GUCY2F: variants seen among roughly 807,000 people sequenced by gnomAD.
GUCY2F encodes the protein guanylate cyclase 2F, retinal, also known as retinal guanylyl cyclase 2.
In GUCY2F, 61 loss-of-function variants were observed where a neutral mutation model predicts 73.1. The observed-to-expected ratio is 0.83, with a 90% CI of 0.68 to 1.03. GUCY2F has a LOEUF of 1.03. Ranked by LOEUF, GUCY2F falls within the 50% of genes least tolerant of loss-of-function variation. The pLI, the probability that GUCY2F is intolerant of heterozygous loss-of-function variation, is 0.00. For missense variants in GUCY2F, 912 were observed against 854.3 expected (o/e 1.07, Z -0.84); for synonymous variants, 331 against 307.8 (o/e 1.08, Z -0.79).
At chrX:109,383,814 T>A (rs1930374780) in intron 16 of GUCY2F, among the ~76,000 whole-genome samples, 1 of 112,206 alleles carries the variant, frequency 8.9e-6, no homozygotes, top group African/African-American at 3.2e-5. Context: ...ATTTCCAATG[T>A]GAAATGTGTG....
At chrX:109,462,871 C>T (rs1932389485) in intron 3 of GUCY2F, among the ~76,000 whole-genome samples, 2 of 111,845 alleles carry the variant, frequency 1.8e-5, no homozygotes, top group South Asian at 7.4e-4. Context: ...CATCAAACAA[C>T]TGGTTTGACC....
chrX:109,404,469 G>T lies in GUCY2F; in HGVS notation c.1984C>A (p.His662Asn). 5 of 1,191,027 alleles carry T rather than the reference G, an allele frequency of 4.2e-6. No individual in the cohort carries two copies. The highest frequency in any genetic ancestry group is 5.7e-6 in the Non-Finnish European group (5 of 878,600). Reference protein sequence around the residue: ...LDLIKGMKYLHHREFVHGRLK... With the variant: ...LDLIKGMKYLNHREFVHGRLK... ...CTCCCATGAACAAACTCTCTGTGGT[G>T]TAAGTACTTCATGCCCTGTAGATGA... is the stretch of plus-strand genomic sequence containing the variant. The change falls in exon 10 of 20, where the codon CAC (histidine) becomes AAC (asparagine). Residue 662 changes from histidine to asparagine, a missense_variant. Transcript: ENST00000218006.
intron 12 of GUCY2F, among the ~76,000 whole-genome samples, chrX:109,394,323 A>G (rs1384775377): frequency 8.9e-6 from 1 of 111,995 alleles, no homozygotes; most frequent in Non-Finnish European, 1.9e-5. Context: ...GCCTCATGGT[A>G]AGGTTTTAGA....
At chrX:109,448,464 C>T (rs925731885) in intron 5 of GUCY2F, among the ~76,000 whole-genome samples, 10 of 112,088 alleles carry the variant, frequency 8.9e-5, no homozygotes, top group South Asian at 7.4e-4. Flanking sequence ...AAATGGTGAT[C>T]CCACATCAAG....
chrX:109,414,223 C>T (rs1179229894), intron 8 of GUCY2F, among the ~76,000 whole-genome samples: 4 of 111,901 alleles, frequency 3.6e-5, no homozygotes, highest in East Asian at 2.8e-4. Flanking sequence ...CCGCCCACCT[C>T]GGCCTCCCAA....
chrX:109,373,151 A>C (rs1031831937), intron 19 of GUCY2F, among the ~76,000 whole-genome samples, 152 bp from the exon 20 acceptor site: 2 of 112,912 alleles, frequency 1.8e-5, no homozygotes, highest in Non-Finnish European at 3.7e-5. Context: ...TTAAACAAAT[A>C]AACATTATTA....
chrX:109,412,446 G>A lies in GUCY2F; in HGVS notation c.1792-3278C>T, dbSNP rs959048902. 2.7e-5 allele frequency among the ~76,000 whole-genome samples: 3 copies of A among 111,443 alleles called. No individual in the cohort carries two copies. In the Admixed American group the frequency reaches 2.9e-4, roughly 11 times the overall value. On this transcript the variant is annotated intron_variant, in intron 8 of 19. Transcript: ENST00000218006. ...CCAAGGTTGCCTTCTAAGCATAAGGGCCTGGCACCCATGACAATTCTCTTC... is the reference window on the plus strand; with the variant it reads ...CCAAGGTTGCCTTCTAAGCATAAGGACCTGGCACCCATGACAATTCTCTTC...
chrX:109,423,161 T>G (rs1931406015), intron 8 of GUCY2F, among the ~76,000 whole-genome samples: 1 of 112,419 alleles, frequency 8.9e-6, no homozygotes, highest in South Asian at 3.6e-4. Flanking sequence ...AGCAATCTTT[T>G]TCTATAAACT....
In GUCY2F at chrX:109,465,196, G is replaced by A; in HGVS notation, c.978C>T (p.Ala326=). The stretch of plus-strand genomic sequence containing the variant: ...CACCTCTTGCTGCTGCCTCTGTGAA[G>A]GCTTGATAGAAGGTCTTTTCTTGGG... ...VESQEKTFYQ[A]FTEAAARGEI... The change falls in exon 3 of 20, where the codon GCC becomes GCT. Residue 326 remains alanine (A), a synonymous_variant. Transcript: ENST00000218006. The A allele has an allele frequency of 5.0e-6, 6 of 1,210,140 alleles. No homozygotes were observed. Among genetic ancestry groups the A allele is most frequent in the Non-Finnish European group, 6.7e-6 (6 of 893,999 alleles).
At position 109,404,502 on chromosome X, in the gene GUCY2F, G is replaced by A; in HGVS notation, c.1969-18C>T. On this transcript the variant is annotated intron_variant, in intron 9 of 19. Transcript: ENST00000218006. The stretch of plus-strand genomic sequence containing the variant: ...TTCATGCCCTGTAGATGACACAACA[G>A]GATTTATTTAGCAACTCATTTAACT... 8.9e-7 allele frequency: 1 copy of A among 1,118,455 alleles called. No individual in the cohort carries two copies. Among genetic ancestry groups the A allele is most frequent in the African/African-American group, 1.8e-5 (1 of 55,178 alleles). 92.2% of individuals were successfully genotyped at this position (1,118,455 alleles called of 1,213,427 possible).
Position 109,385,175 on chromosome X carries a change from G to C in GUCY2F, c.3055+9C>G. The C allele has an allele frequency of 1.0e-6, 1 of 996,547 alleles. No homozygotes were observed. Among genetic ancestry groups the C allele is most frequent in the Non-Finnish European group, 1.4e-6 (1 of 704,038 alleles). 82.1% of individuals were successfully genotyped at this position (996,547 alleles called of 1,213,427 possible). A position where few individuals can be genotyped will look rare whatever the true frequency, so the allele number is the denominator to read the frequency against. Reference sequence around the variant, plus strand: ...TGCCATCCTATCCATCTCTCTATTAGGTACTCACGTAAGCCTGTAGATTCC... The same window carrying C: ...TGCCATCCTATCCATCTCTCTATTACGTACTCACGTAAGCCTGTAGATTCC... On this transcript the variant is annotated intron_variant, in intron 16 of 19. Coordinates refer to ENST00000218006, the MANE Select transcript of GUCY2F (RefSeq NM_001522.3).
At position 109,377,477 on chromosome X, in the gene GUCY2F, G is replaced by A. The variant is rs1395849980; in HGVS notation, c.3151-1310C>T. On this transcript the variant is annotated intron_variant, in intron 17 of 19. Coordinates refer to ENST00000218006, the MANE Select transcript of GUCY2F (RefSeq NM_001522.3). ...ACAGTACAGTTAAACACAACCATTA[G>A]GCCATGTTATAGGTTCTAAACACAT... is the stretch of plus-strand genomic sequence containing the variant. Among the ~76,000 whole-genome samples the A allele has an allele frequency of 3.6e-5, 4 of 111,769 alleles. 1 individual carries two copies. The highest frequency in any genetic ancestry group is 1.3e-4 in the African/African-American group (4 of 30,747).
intron 19 of GUCY2F, among the ~76,000 whole-genome samples, chrX:109,375,510 C>G (rs1930156737): frequency 8.9e-6 from 1 of 112,135 alleles, no homozygotes; most frequent in Non-Finnish European, 1.9e-5. Flanking sequence ...GCCGGTAGTC[C>G]TACTGCTATT....
intron 2 of GUCY2F, among the ~76,000 whole-genome samples, chrX:109,471,204 TTCCCAATTTGGAAGGATTGAAAGGAAA>T (rs1304497414): frequency 8.9e-6 from 1 of 111,999 alleles, no homozygotes; most frequent in East Asian, 2.8e-4. Context: ...TAATGAAGCA[TTCCCAATTTGGAAGGATTGAAAGGAAA>T]TCCCAAATGG....
At chrX:109,417,108 A>C (rs1931263961) in intron 8 of GUCY2F, among the ~76,000 whole-genome samples, 1 of 111,201 alleles carries the variant, frequency 9.0e-6, no homozygotes, top group African/African-American at 3.3e-5. Context: ...GTAATGCCTA[A>C]GGGGAGGATC....
intron 1 of GUCY2F, among the ~76,000 whole-genome samples, chrX:109,479,454 T>C (rs1213014529): frequency 2.7e-5 from 3 of 111,775 alleles, no homozygotes; most frequent in Non-Finnish European, 3.8e-5. Context: ...CTGAACAGAT[T>C]GTTGCCTACT....
intron 7 of GUCY2F, among the ~76,000 whole-genome samples, chrX:109,436,164 G>A (rs1331185269): frequency 2.7e-5 from 3 of 112,131 alleles, no homozygotes; most frequent in African/African-American, 9.7e-5. Flanking sequence ...CATTTATGCA[G>A]CCAAAAGACA....
chrX:109,429,517 A>G (rs958834255), intron 8 of GUCY2F, among the ~76,000 whole-genome samples: 3 of 111,705 alleles, frequency 2.7e-5, no homozygotes, highest in Admixed American at 9.4e-5. Flanking sequence ...CATGTCTTCC[A>G]TTTCCTTTGT....
At chrX:109,444,632 T>C (rs1331005051) in intron 6 of GUCY2F, among the ~76,000 whole-genome samples, 1 of 111,877 alleles carries the variant, frequency 8.9e-6, no homozygotes, top group African/African-American at 3.2e-5. Flanking sequence ...TACTGTTTCC[T>C]CTGCCTAGGA....
Sources: allele counts gnomAD v4.1 joint callset (sites outside exome capture counted in the v4.1 genomes callset), GRCh38; gene constraint gnomAD v4.1.1; transcripts MANE v1.5; gene names NCBI Gene and HGNC (gene_info 2026-07-23, HGNC 2026-07-21).